ZMIZ1: variants seen among roughly 807,000 people sequenced by gnomAD.
ZMIZ1 encodes zinc finger MIZ domain-containing protein 1.
ZMIZ1 carries 17 observed loss-of-function variants against 113.9 expected under a neutral mutation model. The ratio of observed to expected loss-of-function variants is 0.15; its 90% CI spans 0.10 to 0.22. The LOEUF is 0.22. ZMIZ1 is among the 10% of genes least tolerant of loss of function. The probability of loss-of-function intolerance (pLI) is 1.00; values close to 1 mark genes in which losing one functional copy is unlikely to be tolerated. For missense variants in ZMIZ1, 1,059 were observed against 1,477.8 expected, an observed-to-expected ratio of 0.72 and a Z score of 4.65; for synonymous variants, 607 against 603.1, an observed-to-expected ratio of 1.01 and a Z score of -0.09.
intron 7 of ZMIZ1, among the ~76,000 whole-genome samples, chr10:79,237,823 A>T (rs1849653919): frequency 6.6e-6 from 1 of 152,222 alleles, no homozygotes; most frequent in Non-Finnish European, 1.5e-5. Context: ...GGTCTTTCCT[A>T]GGACCTGGTG....
intron 1 of ZMIZ1, among the ~76,000 whole-genome samples, chr10:79,110,508 G>A (rs1205887334): frequency 6.6e-6 from 1 of 152,198 alleles, no homozygotes; most frequent in East Asian, 1.9e-4. Context: ...GGGCCATGCT[G>A]AAACTGGAAG....
intron 4 of ZMIZ1, among the ~76,000 whole-genome samples, chr10:79,199,861 C>T (rs1208641611): frequency 6.6e-6 from 1 of 152,310 alleles, no homozygotes; most frequent in South Asian, 2.1e-4. Flanking sequence ...TCCTTTAAAG[C>T]AATTGGAGGA....
At chr10:79,117,872 A>AG (rs1388184568) in intron 1 of ZMIZ1, among the ~76,000 whole-genome samples, 1 of 152,208 alleles carries the variant, frequency 6.6e-6, no homozygotes, top group Non-Finnish European at 1.5e-5. Context: ...TAGAGCCATG[A>AG]GGCTGATCCC....
chr10:79,107,467 C>T (rs566069301), intron 1 of ZMIZ1, among the ~76,000 whole-genome samples: 32 of 152,250 alleles, frequency 2.1e-4, no homozygotes, highest in African/African-American at 6.3e-4. Context: ...CTGTGGGGCC[C>T]GCCAGTGGTG....
intron 7 of ZMIZ1, among the ~76,000 whole-genome samples, chr10:79,271,852 AC>A (rs1851968172): frequency 6.6e-6 from 1 of 152,284 alleles, no homozygotes; most frequent in African/African-American, 2.4e-5. Context: ...ATAAGAGACC[AC>A]CTTCTGTCTG....
chr10:79,277,633 G>A (rs1852385781), intron 8 of ZMIZ1, among the ~76,000 whole-genome samples: 1 of 152,222 alleles, frequency 6.6e-6, no homozygotes, highest in African/African-American at 2.4e-5. Flanking sequence ...GGCAAACCCA[G>A]AGAAACCAGG....
At chr10:79,211,751 C>T (rs1848535250) in intron 6 of ZMIZ1, among the ~76,000 whole-genome samples, 2 of 152,364 alleles carry the variant, frequency 1.3e-5, no homozygotes, top group African/African-American at 2.4e-5. Context: ...AGCCCCGGGC[C>T]ACCACTTCCT....
intron 2 of ZMIZ1, among the ~76,000 whole-genome samples, chr10:79,124,488 G>A (rs1844431126): frequency 6.6e-6 from 1 of 152,186 alleles, no homozygotes; most frequent in Non-Finnish European, 1.5e-5. Context: ...TTGTTTGCTG[G>A]GTGATCCATT....
intron 1 of ZMIZ1, among the ~76,000 whole-genome samples, chr10:79,091,187 C>G (rs750064994): frequency 7.2e-5 from 11 of 152,180 alleles, no homozygotes; most frequent in Non-Finnish European, 1.6e-4. Context: ...TTTCCCTGTT[C>G]AAGCCACCAT....
intron 7 of ZMIZ1, among the ~76,000 whole-genome samples, chr10:79,256,210 C>A (rs1053543246): frequency 2.0e-5 from 3 of 152,206 alleles, no homozygotes; most frequent in African/African-American, 7.2e-5. Context: ...TGCCTTCGAA[C>A]TTGGCCGGCA....
intron 7 of ZMIZ1, among the ~76,000 whole-genome samples, chr10:79,260,403 CGGTCA>C (rs1851199359): frequency 6.6e-6 from 1 of 152,100 alleles, no homozygotes; most frequent in Non-Finnish European, 1.5e-5. Context: ...AATTCATAAA[CGGTCA>C]GGTCAGGGAA....
At chr10:79,127,518 C>A (rs1417423184) in intron 2 of ZMIZ1, among the ~76,000 whole-genome samples, 1 of 152,072 alleles carries the variant, frequency 6.6e-6, no homozygotes, top group Admixed American at 6.5e-5. Flanking sequence ...CTTCTCTTAT[C>A]CTCACAACCC....
chr10:79,199,455 A>G (rs1847979223), intron 4 of ZMIZ1, among the ~76,000 whole-genome samples: 1 of 152,026 alleles, frequency 6.6e-6, no homozygotes, highest in Admixed American at 6.6e-5. Context: ...ACAGTGAGCC[A>G]AGATTGCGCC....
chr10:79,276,729 G>C (rs550199664), intron 7 of ZMIZ1, among the ~76,000 whole-genome samples: 16 of 152,150 alleles, frequency 1.1e-4, no homozygotes, highest in Non-Finnish European at 1.9e-4. Flanking sequence ...ATGGGGAGAA[G>C]CCACGCTTTG....
chr10:79,272,954 T>A (rs1852042751), intron 7 of ZMIZ1, among the ~76,000 whole-genome samples: 1 of 152,170 alleles, frequency 6.6e-6, no homozygotes, highest in Admixed American at 6.5e-5. Context: ...CACCAGCCCC[T>A]GGACAGGCTG....
At position 79,208,525 on chromosome 10, in the gene ZMIZ1, A is replaced by C. The variant is rs139793947; in HGVS notation, c.174+76A>C. 6.2e-6 allele frequency: 8 copies of C among 1,281,238 alleles called. No individual in the cohort carries two copies. The South Asian group carries it at 9.1e-5, about 15-fold the overall frequency. 79.4% of individuals were successfully genotyped at this position (1,281,238 alleles called of 1,614,324 possible). A position where few individuals can be genotyped will look rare whatever the true frequency, so the allele number is the denominator to read the frequency against. On this transcript the variant is annotated intron_variant, in intron 6 of 24. Transcript: ENST00000334512. The stretch of plus-strand genomic sequence containing the variant: ...GTGCTAGCGTGCCTGTCCAGGTTTC[A>C]GAGAGGTTGTCAGACATTGGGAGGT...
intron 5 of ZMIZ1, among the ~76,000 whole-genome samples, chr10:79,202,189 GAAAAAAAAA>G (rs58021590): frequency 5.7e-5 from 3 of 52,636 alleles, no homozygotes; most frequent in Non-Finnish European, 7.6e-5. Context: ...CCCTGTCTCA[GAAAAAAAAA>G]AAAAAAAAAA....
chr10:79,204,970 A>AGGATGGATGGATGGAT (rs60981787), intron 5 of ZMIZ1, among the ~76,000 whole-genome samples: 1 of 150,980 alleles, frequency 6.6e-6, no homozygotes, highest in African/African-American at 2.4e-5. Context: ...TGATTCATTT[A>AGGATGGATGGATGGAT]GGATGGATGG....
intron 4 of ZMIZ1, among the ~76,000 whole-genome samples, chr10:79,187,669 C>T: frequency 6.6e-6 from 1 of 152,194 alleles, no homozygotes; most frequent in South Asian, 2.1e-4. Context: ...GCCATGTGTC[C>T]ACAGTGCAGT....
Sources: gnomAD v4.1 joint callset for allele counts (sites outside exome capture counted in the v4.1 genomes callset) on GRCh38, gnomAD v4.1.1 for gene constraint, MANE v1.5 for transcripts, NCBI Gene and HGNC (gene_info 2026-07-23, HGNC 2026-07-21) for gene names.